Variants in APP observed in about 807,000 individuals in gnomAD.
The protein encoded by APP is amyloid-beta precursor protein.
APP carries 31 observed loss-of-function variants against 101.4 expected under a neutral mutation model. The observed-to-expected ratio is 0.31, with a 90% CI of 0.23 to 0.41. The LOEUF (loss-of-function observed/expected upper bound fraction) is 0.41, where lower values mean the gene tolerates loss of function less well. APP is among the 10% of genes least tolerant of loss of function. The probability of loss-of-function intolerance (pLI) is 1.00; values close to 1 mark genes in which losing one functional copy is unlikely to be tolerated. For missense variants in APP, 839 were observed against 1,003.7 expected (o/e 0.84, Z 2.22); for synonymous variants, 366 against 364.4 (o/e 1.00, Z -0.05).
chr21:25,886,148 C>A (rs2037309816), intron 17 of APP, among the ~76,000 whole-genome samples: 1 of 151,620 alleles, frequency 6.6e-6, no homozygotes. Flanking sequence ...TAGTGTGACA[C>A]ATCAAAGGAG....
intron 6 of APP, among the ~76,000 whole-genome samples, chr21:26,019,302 A>G (rs117675042): frequency 1.3e-5 from 2 of 152,318 alleles, no homozygotes; most frequent in East Asian, 3.9e-4. Context: ...AATTGGACCA[A>G]TCCTGTCTCC....
At chr21:26,054,635 T>TG (rs1057406167) in intron 3 of APP, among the ~76,000 whole-genome samples, 1 of 146,578 alleles carries the variant, frequency 6.8e-6, no homozygotes, top group Non-Finnish European at 1.5e-5. Flanking sequence ...TTTTTTTTTT[T>TG]TTTTTTTTTT....
intron 2 of APP, among the ~76,000 whole-genome samples, chr21:26,107,776 A>G (rs185159676): frequency 6.6e-6 from 1 of 152,278 alleles, no homozygotes; most frequent in East Asian, 1.9e-4. Context: ...CACTGTCACC[A>G]TGTAGTTTTT....
intron 16 of APP, among the ~76,000 whole-genome samples, chr21:25,896,414 A>ACT (rs2038047039): frequency 7.0e-6 from 1 of 141,874 alleles, no homozygotes; most frequent in Non-Finnish European, 1.6e-5. Context: ...GAAAAAAGTA[A>ACT]CACTCACACA....
chr21:26,132,508 G>A (rs2062816172), intron 1 of APP, among the ~76,000 whole-genome samples: 1 of 112,796 alleles, frequency 8.9e-6, no homozygotes, highest in Non-Finnish European at 1.7e-5. Context: ...ATTACTTTTA[G>A]TTCTCCTCTA....
intron 1 of APP, among the ~76,000 whole-genome samples, chr21:26,170,033 G>C (rs960300066): frequency 1.3e-4 from 20 of 152,276 alleles, no homozygotes; most frequent in African/African-American, 4.6e-4. Context: ...GGTGAGAGAG[G>C]AAGGTGAAAC....
intron 15 of APP, among the ~76,000 whole-genome samples, chr21:25,898,940 C>T (rs2038259699): frequency 6.6e-6 from 1 of 152,154 alleles, no homozygotes. Flanking sequence ...ATGTCCACAG[C>T]ATATGATGTG....
intron 13 of APP, among the ~76,000 whole-genome samples, chr21:25,915,332 C>A (rs977456662): frequency 6.6e-6 from 1 of 152,174 alleles, no homozygotes; most frequent in Non-Finnish European, 1.5e-5. Flanking sequence ...TATGACTCTC[C>A]TCTCCCAAGG....
chr21:26,055,099 T>C (rs565969737), intron 3 of APP, among the ~76,000 whole-genome samples: 1 of 152,278 alleles, frequency 6.6e-6, no homozygotes, highest in East Asian at 1.9e-4. Flanking sequence ...ATGATGCCCA[T>C]AGCAGTATAG....
intron 2 of APP, among the ~76,000 whole-genome samples, chr21:26,105,222 A>G (rs1275433858): frequency 6.6e-6 from 1 of 152,172 alleles, no homozygotes; most frequent in African/African-American, 2.4e-5. Flanking sequence ...TTGTTCAACA[A>G]TAAGAATGAT....
intron 5 of APP, among the ~76,000 whole-genome samples, chr21:26,024,749 A>G (rs1469302116): frequency 6.6e-6 from 1 of 152,214 alleles, no homozygotes; most frequent in Non-Finnish European, 1.5e-5. Context: ...TACGTAGGAT[A>G]CAAGAATAGT....
chr21:26,144,299 T>C (rs2226350), intron 1 of APP, among the ~76,000 whole-genome samples: 64,265 of 152,048 alleles, frequency 0.42, 15,008 homozygotes, highest in African/African-American at 0.64. Flanking sequence ...CATCACTCAC[T>C]GAACCTCATT....
chr21:25,899,810 C>CT (rs1219127358), intron 15 of APP, among the ~76,000 whole-genome samples: 1 of 152,166 alleles, frequency 6.6e-6, no homozygotes, highest in Non-Finnish European at 1.5e-5. Context: ...CAATAGGTAA[C>CT]TAATGGGCTA....
At chr21:26,046,434 GA>G (rs1043069029) in intron 5 of APP, among the ~76,000 whole-genome samples, 166 of 113,466 alleles carry the variant, frequency 1.5e-3, no homozygotes, top group East Asian at 8.6e-3. Flanking sequence ...AAAAGAAAAA[GA>G]AAAAAAAAAA....
chr21:26,107,081 T>C (rs2062199498), intron 2 of APP, among the ~76,000 whole-genome samples: 1 of 152,206 alleles, frequency 6.6e-6, no homozygotes, highest in Non-Finnish European at 1.5e-5. Flanking sequence ...TTCTACAGCA[T>C]GTTCCTCCAG....
chr21:26,073,366 C>T (rs1412030609), intron 3 of APP, among the ~76,000 whole-genome samples: 2 of 151,918 alleles, frequency 1.3e-5, no homozygotes, highest in African/African-American at 4.8e-5. Context: ...GAGAATGCAC[C>T]CATCAACCGA....
chr21:26,107,671 G>A (rs79229985), intron 2 of APP, among the ~76,000 whole-genome samples: 5,992 of 152,252 alleles, frequency 0.039, 242 homozygotes, highest in Admixed American at 0.12. Context: ...TTCTCCACAG[G>A]TGTCACTGAG....
At chr21:25,946,628 T>G in intron 13 of APP, among the ~76,000 whole-genome samples, 1 of 152,046 alleles carries the variant, frequency 6.6e-6, no homozygotes, top group Non-Finnish European at 1.5e-5. Context: ...ATCATGCCGC[T>G]TCACTTCAGC....
chr21:25,953,856 T>C (rs895447681), intron 13 of APP, among the ~76,000 whole-genome samples: 1 of 152,230 alleles, frequency 6.6e-6, no homozygotes, highest in Non-Finnish European at 1.5e-5. Flanking sequence ...GTCAGTTTCC[T>C]GGTTTTGATA....
Sources: allele counts gnomAD v4.1 joint callset (sites outside exome capture counted in the v4.1 genomes callset), GRCh38; gene constraint gnomAD v4.1.1; transcripts MANE v1.5; gene names NCBI Gene and HGNC (gene_info 2026-07-23, HGNC 2026-07-21).